DDAH1: variants seen among roughly 807,000 people sequenced by gnomAD.
DDAH1 encodes the protein dimethylarginine dimethylaminohydrolase 1.
Under a neutral mutation model 28.8 loss-of-function variants are expected in DDAH1, and 19 were observed. The observed-to-expected ratio is 0.66, with a 90% CI of 0.46 to 0.97. The LOEUF is 0.97. DDAH1 is among the 50% of genes least tolerant of loss of function. The pLI is 0.00. For synonymous variants in DDAH1, 153 were observed against 154.4 expected (o/e 0.99, Z 0.07); for missense variants, 326 against 375.9 (o/e 0.87, Z 1.10).
At chr1:85,511,287 G>A (rs1360750592) in intron 1 of DDAH1, among the ~76,000 whole-genome samples, 2 of 152,202 alleles carry the variant, frequency 1.3e-5, no homozygotes, top group African/African-American at 4.8e-5. Context: ...AAATAAAGAT[G>A]TTCTTTGAAA....
chr1:85,457,610 C>T (rs772155980), intron 1 of DDAH1, among the ~76,000 whole-genome samples: 5 of 152,204 alleles, frequency 3.3e-5, no homozygotes, highest in East Asian at 1.9e-4. Flanking sequence ...TCATTTTTCA[C>T]GCAATCATGG....
At chr1:85,478,311 TA>T (rs1196008395) in intron 2 of DDAH1, among the ~76,000 whole-genome samples, 2 of 152,242 alleles carry the variant, frequency 1.3e-5, no homozygotes, top group African/African-American at 4.8e-5. Context: ...ACATCTTAAT[TA>T]ATTTTAGGAA....
intron 1 of DDAH1, among the ~76,000 whole-genome samples, chr1:85,523,072 G>T (rs531784720): frequency 6.6e-6 from 1 of 151,290 alleles, no homozygotes; most frequent in South Asian, 2.1e-4. Flanking sequence ...TGCACGAGGA[G>T]TTGCAGGGAT....
intron 2 of DDAH1, among the ~76,000 whole-genome samples, chr1:85,475,979 G>A (rs1655789504): frequency 1.3e-5 from 2 of 152,156 alleles, no homozygotes; most frequent in Admixed American, 6.5e-5. Context: ...AGTCTCCTGA[G>A]TAGCTGGGAC....
chr1:85,400,471 T>C lies in DDAH1; in HGVS notation c.304-41624A>G, dbSNP rs148807864. 7.1e-3 allele frequency among the ~76,000 whole-genome samples: 1,086 copies of C among 152,268 alleles called. 12 individuals are homozygous for C. Among genetic ancestry groups the C allele is most frequent in the African/African-American group, 0.025 (1,038 of 41,562 alleles). On this transcript the variant is annotated intron_variant, in intron 1 of 5. Transcript: ENST00000284031. ...TGCCTACCTGGGCTTCCCAAAGTGC[T>C]GGGATTACGACTTGAGCCACTGTGC...
chr1:85,460,546 A>G (rs1386624361), intron 1 of DDAH1, among the ~76,000 whole-genome samples: 2 of 152,248 alleles, frequency 1.3e-5, no homozygotes, highest in Non-Finnish European at 2.9e-5. Flanking sequence ...AGGATAAAAT[A>G]GCTGTTAAAA....
rs546169246 is a variant in DDAH1 at position 85,438,027 on chromosome 1, G to A, written c.303+26716C>T. The stretch of plus-strand genomic sequence containing the variant: ...AAAGAATGAAATCATGTCCTTCGCC[G>A]CAACATGGATGCAGCTGGAGGCCAT... On this transcript the variant is annotated intron_variant, in intron 1 of 5. Transcript: ENST00000284031. 1.2e-4 allele frequency among the ~76,000 whole-genome samples: 19 copies of A among 152,258 alleles called. No homozygotes were observed. In the South Asian group the frequency reaches 3.3e-3, roughly 27 times the overall value.
chr1:85,564,171 A>AAAAACAAAACAAAACAAAAC (rs141857011), intron 1 of DDAH1, among the ~76,000 whole-genome samples: 1 of 150,850 alleles, frequency 6.6e-6, no homozygotes, highest in African/African-American at 2.4e-5. Context: ...ACTCCATCTC[A>AAAAACAAAACAAAACAAAAC]AAAACAAAAC....
chr1:85,435,293 A>G (rs910537287), intron 1 of DDAH1: 13 of 152,212 alleles, frequency 8.5e-5, no homozygotes, highest in African/African-American at 2.4e-4. Context: ...CCTGCCCATT[A>G]GTTTCAATAT....
intron 1 of DDAH1, among the ~76,000 whole-genome samples, chr1:85,508,695 C>T (rs1439593196): frequency 6.6e-6 from 1 of 152,264 alleles, no homozygotes; most frequent in African/African-American, 2.4e-5. Flanking sequence ...GCAGGTCCCA[C>T]ACCCATGGAT....
At chr1:85,400,173 T>TTTTC (rs1557582030) in intron 1 of DDAH1, among the ~76,000 whole-genome samples, 1 of 20,606 alleles carries the variant, frequency 4.9e-5, no homozygotes, top group Admixed American at 6.1e-4. Context: ...CTTTCTTTTC[T>TTTTC]TTTCTTTTTT....
chr1:85,365,032 T>C (rs1649998337), intron 1 of DDAH1, among the ~76,000 whole-genome samples: 1 of 152,238 alleles, frequency 6.6e-6, no homozygotes, highest in Non-Finnish European at 1.5e-5. Context: ...CAAACATTTA[T>C]ATAGTCTTCC....
intron 1 of DDAH1, among the ~76,000 whole-genome samples, chr1:85,411,510 C>T (rs1652654630): frequency 7.1e-6 from 1 of 141,148 alleles, no homozygotes; most frequent in African/African-American, 2.5e-5. Flanking sequence ...CTGTCTTCTA[C>T]ACCAAATTGC....
At chr1:85,555,566 G>T (rs1218959894) in intron 1 of DDAH1, among the ~76,000 whole-genome samples, 1 of 151,960 alleles carries the variant, frequency 6.6e-6, no homozygotes, top group African/African-American at 2.4e-5. Context: ...GCAGGGGAGG[G>T]ATTGAACAGC....
At chr1:85,520,526 G>A (rs1189159591) in intron 1 of DDAH1, among the ~76,000 whole-genome samples, 2 of 152,146 alleles carry the variant, frequency 1.3e-5, no homozygotes, top group African/African-American at 4.8e-5. Flanking sequence ...TGTTTAAGAA[G>A]ACTTAAGTAG....
chr1:85,569,224 G>A (rs1659386177), intron 1 of DDAH1, among the ~76,000 whole-genome samples: 1 of 152,176 alleles, frequency 6.6e-6, no homozygotes, highest in African/African-American at 2.4e-5. Context: ...TTTTAAAGTC[G>A]ATTTGTTTTG....
At chr1:85,324,944 A>C in intron 4 of DDAH1, 61 bp from the exon 5 acceptor site, 2 of 1,593,754 alleles carry the variant, frequency 1.3e-6, no homozygotes, top group South Asian at 1.1e-5. Context: ...AAACAGAAGG[A>C]AGGCAGTGTG....
intron 1 of DDAH1, among the ~76,000 whole-genome samples, chr1:85,543,010 G>A (rs1658517170): frequency 6.6e-6 from 1 of 152,150 alleles, no homozygotes; most frequent in Non-Finnish European, 1.5e-5. Context: ...CCAGAAAGTG[G>A]AATCCAAAGT....
intron 1 of DDAH1, among the ~76,000 whole-genome samples, chr1:85,510,513 T>A (rs1187119672): frequency 6.6e-6 from 1 of 152,130 alleles, no homozygotes; most frequent in Non-Finnish European, 1.5e-5. Flanking sequence ...TAACCTTAAA[T>A]GTAAATGGAC....
Sources: gnomAD v4.1 joint callset for allele counts (sites outside exome capture counted in the v4.1 genomes callset) on GRCh38, gnomAD v4.1.1 for gene constraint, MANE v1.5 for transcripts, NCBI Gene and HGNC (gene_info 2026-07-23, HGNC 2026-07-21) for gene names.